Variants in ACACA observed in about 807,000 individuals in gnomAD.
ACACA encodes the protein acetyl-CoA carboxylase alpha.
ACACA carries 103 observed loss-of-function variants against 296.1 expected under a neutral mutation model. The ratio of observed to expected loss-of-function variants is 0.35; its 90% CI spans 0.30 to 0.41. The LOEUF (loss-of-function observed/expected upper bound fraction) is 0.41, where lower values mean the gene tolerates loss of function less well. ACACA is among the 10% of genes least tolerant of loss of function. The pLI, the probability that ACACA is intolerant of heterozygous loss-of-function variation, is 1.00. For synonymous variants in ACACA, 953 were observed against 1,038.6 expected (o/e 0.92, Z 1.58); for missense variants, 1,554 against 2,989.7 (o/e 0.52, Z 11.20).
intron 19 of ACACA, among the ~76,000 whole-genome samples, chr17:37,245,959 C>A (rs1055385556): frequency 6.6e-6 from 1 of 152,136 alleles, no homozygotes; most frequent in Non-Finnish European, 1.5e-5. Context: ...ATTCTCAAGC[C>A]ACACCAACAC....
intron 39 of ACACA, among the ~76,000 whole-genome samples, chr17:37,183,197 A>G (rs2077389846): frequency 6.6e-6 from 1 of 152,308 alleles, no homozygotes; most frequent in East Asian, 1.9e-4. Flanking sequence ...CGGTTTGGCC[A>G]AGCTTTGTGA....
intron 39 of ACACA, among the ~76,000 whole-genome samples, chr17:37,186,915 A>G (rs1414035812): frequency 1.3e-5 from 2 of 152,126 alleles, no homozygotes; most frequent in African/African-American, 4.8e-5. Context: ...AAAAAGAAAG[A>G]AAGTAGTTAT....
intron 31 of ACACA, 146 bp downstream of exon 31, chr17:37,207,511 C>T: frequency 2.2e-6 from 2 of 928,710 alleles, no homozygotes; most frequent in Non-Finnish European, 3.4e-6. Flanking sequence ...ATATACCTCT[C>T]CAACGGCATA....
intron 33 of ACACA, among the ~76,000 whole-genome samples, chr17:37,203,698 G>A (rs1417400657): frequency 6.6e-6 from 1 of 151,864 alleles, no homozygotes; most frequent in Non-Finnish European, 1.5e-5. Context: ...AGCTGAGATC[G>A]CACCATTGCA....
intron 1 of ACACA, among the ~76,000 whole-genome samples, chr17:37,405,674 T>C (rs1445373401): frequency 6.6e-6 from 1 of 152,066 alleles, no homozygotes; most frequent in African/African-American, 2.4e-5. Flanking sequence ...TGCCTCAGCC[T>C]CCGGAGTAGC....
intron 45 of ACACA, chr17:37,141,394 G>A (rs899501320): frequency 2.5e-5 from 8 of 324,970 alleles, no homozygotes; most frequent in Middle Eastern, 9.9e-4. Context: ...AAGGTTCCAC[G>A]GTTCCCCATC....
At chr17:37,293,283 A>AT (rs2083163026) in intron 3 of ACACA, among the ~76,000 whole-genome samples, 1 of 152,110 alleles carries the variant, frequency 6.6e-6, no homozygotes, top group African/African-American at 2.4e-5. Flanking sequence ...CAAAATTATT[A>AT]TTTTTTCTCA....
intron 52 of ACACA, 140 bp downstream of exon 52, chr17:37,111,391 T>C: frequency 1.3e-6 from 1 of 746,748 alleles, no homozygotes; most frequent in Non-Finnish European, 2.4e-6. Flanking sequence ...ACCAGGGTTC[T>C]TACCATATAG....
At chr17:37,275,899 T>G in intron 8 of ACACA, 52 bp downstream of exon 8, 1 of 1,472,208 alleles carries the variant, frequency 6.8e-7, no homozygotes, top group South Asian at 1.1e-5. Flanking sequence ...GTCCCAAATA[T>G]CCTACTGAGC....
intron 50 of ACACA, among the ~76,000 whole-genome samples, chr17:37,116,421 G>A (rs78509947): frequency 0.016 from 2,416 of 152,258 alleles, 67 homozygotes; most frequent in African/African-American, 0.053. Flanking sequence ...CCCAACTGCT[G>A]CTGGATTTCC....
intron 41 of ACACA, among the ~76,000 whole-genome samples, chr17:37,176,164 T>C (rs1218867244): frequency 6.6e-6 from 1 of 152,192 alleles, no homozygotes; most frequent in Non-Finnish European, 1.5e-5. Flanking sequence ...CCTTCGATCA[T>C]GGAGAAAAGC....
chr17:37,121,608 A>G (rs2074530351), intron 49 of ACACA, 118 bp from the exon 50 acceptor site: 2 of 1,273,658 alleles, frequency 1.6e-6, no homozygotes, highest in African/African-American at 2.9e-5. Context: ...ATCAACAAAA[A>G]CTATTGTTCA....
intron 41 of ACACA, among the ~76,000 whole-genome samples, chr17:37,174,434 C>T (rs531657830): frequency 2.0e-5 from 3 of 152,162 alleles, no homozygotes; most frequent in South Asian, 4.2e-4. Flanking sequence ...TGACACCTAG[C>T]GCCCATCTGA....
At chr17:37,289,477 ATCT>A (rs770399993) in intron 3 of ACACA, 2 of 1,352,082 alleles carry the variant, frequency 1.5e-6, no homozygotes, top group South Asian at 2.3e-5. Context: ...TGTCCTCATT[ATCT>A]TCAACCCTCT....
chr17:37,332,835 G>A (rs566082423), intron 2 of ACACA, among the ~76,000 whole-genome samples: 14 of 151,640 alleles, frequency 9.2e-5, no homozygotes, highest in East Asian at 7.7e-4. Flanking sequence ...ACTTGAACCC[G>A]GGAGGCGGAG....
chr17:37,142,575 C>G (rs2075636197), intron 45 of ACACA, among the ~76,000 whole-genome samples: 1 of 152,172 alleles, frequency 6.6e-6, no homozygotes, highest in South Asian at 2.1e-4. Context: ...GGAGAGTGAT[C>G]CCATCTGGAG....
intron 45 of ACACA, chr17:37,144,185 T>C (rs1228386883): frequency 8.1e-6 from 6 of 737,528 alleles, no homozygotes; most frequent in African/African-American, 5.2e-5. Flanking sequence ...AACTGAGAAG[T>C]TGACTGAAGC....
At chr17:37,192,611 C>T (rs1212768463) in intron 36 of ACACA, among the ~76,000 whole-genome samples, 3 of 152,098 alleles carry the variant, frequency 2.0e-5, no homozygotes, top group South Asian at 4.1e-4. Flanking sequence ...ACTCCTACAA[C>T]ATTTAATGTC....
chr17:37,393,014 C>A (rs532113858), intron 1 of ACACA, among the ~76,000 whole-genome samples: 169 of 151,732 alleles, frequency 1.1e-3, no homozygotes, highest in African/African-American at 3.9e-3. Flanking sequence ...TGGTGGAGGG[C>A]ACCTATAATC....
Sources: allele counts gnomAD v4.1 joint callset (sites outside exome capture counted in the v4.1 genomes callset), GRCh38; gene constraint gnomAD v4.1.1; transcripts MANE v1.5; gene names NCBI Gene and HGNC (gene_info 2026-07-23, HGNC 2026-07-21).